SPRYD7: variants seen among roughly 807,000 people sequenced by gnomAD.
SPRYD7 encodes SPRY domain containing 7.
SPRYD7 carries 14 observed loss-of-function variants against 23.8 expected under a neutral mutation model. The observed-to-expected ratio is 0.59, with a 90% CI of 0.39 to 0.92. The LOEUF (loss-of-function observed/expected upper bound fraction) is 0.92, where lower values mean the gene tolerates loss of function less well. SPRYD7 is among the 40% of genes least tolerant of loss of function. The pLI, the probability that SPRYD7 is intolerant of heterozygous loss-of-function variation, is 0.00. For missense variants in SPRYD7, 194 were observed against 241.7 expected (o/e 0.80, Z 1.31); for synonymous variants, 75 against 84.9 (o/e 0.88, Z 0.64).
At position 49,916,951 on chromosome 13, in the gene SPRYD7, G is replaced by C. The variant is rs527938223; in HGVS notation, c.494-1791C>G. 7.2e-5 allele frequency among the ~76,000 whole-genome samples: 11 copies of C among 152,098 alleles called. No individual in the cohort carries two copies. The South Asian group carries it at 2.3e-3, about 32-fold the overall frequency. On this transcript the variant is annotated intron_variant, in intron 4 of 4. Transcript: ENST00000361840. ...AGCTGGAGTTCACTTGTGATTGCCT[G>C]TTTTTTTTGTAAGGTAGAAGGCAAG...
intron 4 of SPRYD7, among the ~76,000 whole-genome samples, chr13:49,916,788 C>T (rs1160317754): frequency 1.3e-5 from 2 of 151,962 alleles, no homozygotes; most frequent in South Asian, 2.1e-4. Context: ...CATGAGATAT[C>T]GATGAAATAA....
intron 4 of SPRYD7, among the ~76,000 whole-genome samples, chr13:49,916,657 AG>A (rs1046861818): frequency 6.6e-6 from 1 of 152,154 alleles, no homozygotes; most frequent in African/African-American, 2.4e-5. Flanking sequence ...AGGTTATTCT[AG>A]AAGAAATGTG....
At chr13:49,933,920 G>A (rs1019814032) in intron 1 of SPRYD7, among the ~76,000 whole-genome samples, 5 of 152,058 alleles carry the variant, frequency 3.3e-5, no homozygotes, top group Non-Finnish European at 7.4e-5. Context: ...TGGCATCAAT[G>A]ATAATACTTA....
intron 1 of SPRYD7, chr13:49,935,580 G>C (rs986041015): frequency 2.0e-5 from 3 of 152,252 alleles, no homozygotes; most frequent in African/African-American, 7.2e-5. Context: ...AAGGAGTCGG[G>C]CAATGGGAGG....
chr13:49,919,380 C>T (rs905636737), intron 4 of SPRYD7, among the ~76,000 whole-genome samples: 3 of 152,122 alleles, frequency 2.0e-5, no homozygotes, highest in African/African-American at 4.8e-5. Flanking sequence ...CCCATCTCTA[C>T]TAAAAATACA....
chr13:49,913,742 G>A lies in SPRYD7; in HGVS notation c.*1321C>T, dbSNP rs952693202. ...AGGGTTTCACCATGTTAGCCACGAT[G>A]GTCTCGATCTCCTGACCTTGTGATC... On this transcript the variant is annotated 3_prime_UTR_variant, in exon 5 of 5. Transcript: ENST00000361840. 6 of 152,022 alleles carry A rather than the reference G, an allele frequency of 3.9e-5. No individual in the cohort carries two copies. Among genetic ancestry groups the A allele is most frequent in the African/African-American group, 1.4e-4 (6 of 41,388 alleles). 9.4% of individuals were successfully genotyped at this position (152,022 alleles called of 1,614,324 possible).
At chr13:49,915,306 CA>C (rs1238471374) in intron 4 of SPRYD7, 146 bp from the exon 5 acceptor site, 6 of 384,244 alleles carry the variant, frequency 1.6e-5, no homozygotes, top group Non-Finnish European at 2.4e-5. Flanking sequence ...GTCCCTGTTA[CA>C]AAACATAATC....
chr13:49,928,412 A>C (rs2138233580), intron 2 of SPRYD7, among the ~76,000 whole-genome samples: 1 of 152,342 alleles, frequency 6.6e-6, no homozygotes, highest in Non-Finnish European at 1.5e-5. Flanking sequence ...ACTGCACTCC[A>C]GCCTGAGCGA....
At chr13:49,934,356 A>C (rs1871514967) in intron 1 of SPRYD7, among the ~76,000 whole-genome samples, 1 of 152,042 alleles carries the variant, frequency 6.6e-6, no homozygotes, top group Admixed American at 6.6e-5. Flanking sequence ...TCAGTTCGAG[A>C]CCAGCCTGAC....
At chr13:49,921,667 C>T (rs1186354138) in intron 3 of SPRYD7, 87 bp from the exon 4 acceptor site, 1 of 767,926 alleles carries the variant, frequency 1.3e-6, no homozygotes, top group Non-Finnish European at 2.2e-6. Flanking sequence ...AAAAGCTAAG[C>T]ATAGGCTGAC....
chr13:49,924,148 A>T (rs1955851979), intron 3 of SPRYD7, among the ~76,000 whole-genome samples: 1 of 151,760 alleles, frequency 6.6e-6, no homozygotes, highest in Non-Finnish European at 1.5e-5. Context: ...ACGCCTGGCT[A>T]ATTTTTTGTA....
At chr13:49,933,589 G>A (rs1471266778) in intron 1 of SPRYD7, among the ~76,000 whole-genome samples, 4 of 143,554 alleles carry the variant, frequency 2.8e-5, no homozygotes, top group Admixed American at 1.4e-4. Context: ...GCGACAGAGC[G>A]AGATTCCCTC....
intron 4 of SPRYD7, among the ~76,000 whole-genome samples, chr13:49,919,315 G>A (rs1187925373): frequency 6.6e-6 from 1 of 152,014 alleles, no homozygotes; most frequent in Non-Finnish European, 1.5e-5. Flanking sequence ...GAAGGCCGAG[G>A]CGGGCAGAAC....
intron 1 of SPRYD7, among the ~76,000 whole-genome samples, chr13:49,934,555 C>CAAAAAAAAAAAAAA (rs889803067): frequency 1.8e-5 from 1 of 54,406 alleles, no homozygotes; most frequent in Non-Finnish European, 3.8e-5. Context: ...AACTCCGTCT[C>CAAAAAAAAAAAAAA]AAAAAAAAAA....
intron 4 of SPRYD7, 127 bp downstream of exon 4, chr13:49,921,351 T>A: frequency 1.6e-6 from 1 of 619,052 alleles, no homozygotes; most frequent in African/African-American, 1.8e-5. Context: ...GTGAGTCAAT[T>A]AAACCTCTTT....
chr13:49,921,603 G>GTTTTA (rs1452157161), intron 3 of SPRYD7, 23 bp from the exon 4 acceptor site: 2 of 1,455,668 alleles, frequency 1.4e-6, no homozygotes, highest in Non-Finnish European at 1.9e-6. Context: ...AAACAGAAAC[G>GTTTTA]TTCCATAAAA....
intron 4 of SPRYD7, among the ~76,000 whole-genome samples, chr13:49,919,015 C>CTAAT (rs1031825668): frequency 4.7e-4 from 72 of 152,010 alleles, no homozygotes; most frequent in African/African-American, 1.7e-3. Flanking sequence ...CACGCCAGTC[C>CTAAT]TAATTAGTTC....
At chr13:49,922,705 G>A (rs1955834232) in intron 3 of SPRYD7, among the ~76,000 whole-genome samples, 1 of 152,088 alleles carries the variant, frequency 6.6e-6, no homozygotes, top group Admixed American at 6.6e-5. Context: ...TTGAAAGACA[G>A]CAGAGATCTT....
At chr13:49,916,038 C>G (rs560392224) in intron 4 of SPRYD7, among the ~76,000 whole-genome samples, 1 of 152,128 alleles carries the variant, frequency 6.6e-6, no homozygotes. Flanking sequence ...TTGGTTGGGG[C>G]TGGGGTAGGG....
Sources: allele counts gnomAD v4.1 joint callset (sites outside exome capture counted in the v4.1 genomes callset), GRCh38; gene constraint gnomAD v4.1.1; transcripts MANE v1.5; gene names NCBI Gene and HGNC (gene_info 2026-07-23, HGNC 2026-07-21).